Variants in PUDP observed in about 807,000 individuals in gnomAD.
PUDP encodes pseudouridine 5'-phosphatase.
A neutral mutation model predicts 9.4 loss-of-function variants in PUDP; 8 were observed. That is an observed-to-expected ratio of 0.85 (90% CI 0.50 to 1.53). PUDP has a LOEUF of 1.53. PUDP is among the 40% of genes most tolerant of loss of function. PUDP has a pLI of 0.00. For missense variants in PUDP, 188 were observed against 189.7 expected (o/e 0.99, Z 0.05); for synonymous variants, 99 against 80.7 (o/e 1.23, Z -1.22).
At chrX:7,022,794 T>G (rs142255778) in intron 1 of PUDP, among the ~76,000 whole-genome samples, 5 of 111,801 alleles carry the variant, frequency 4.5e-5, no homozygotes, top group Admixed American at 9.5e-5. Context: ...TAGACTGGCT[T>G]AACTCTCGTA....
chrX:6,772,795 C>T (rs770351363), intron 3 of PUDP, among the ~76,000 whole-genome samples: 1 of 87,231 alleles, frequency 1.1e-5, no homozygotes, highest in East Asian at 3.3e-4. Flanking sequence ...AACAAACAAA[C>T]AACAACAACA....
At chrX:7,070,876 C>A (rs2146858182) in intron 3 of PUDP, among the ~76,000 whole-genome samples, 1 of 111,866 alleles carries the variant, frequency 8.9e-6, no homozygotes, top group East Asian at 2.8e-4. Context: ...TCACGCCTGG[C>A]CCAAATATTA....
At chrX:6,948,361 T>A (rs1928500182) in intron 3 of PUDP, among the ~76,000 whole-genome samples, 1 of 112,049 alleles carries the variant, frequency 8.9e-6, no homozygotes, top group Non-Finnish European at 1.9e-5. Flanking sequence ...ATTGAGACAC[T>A]GCCCTTCCAG....
chrX:6,957,876 C>T (rs1928651286), intron 3 of PUDP, among the ~76,000 whole-genome samples: 1 of 111,858 alleles, frequency 8.9e-6, no homozygotes, highest in East Asian at 2.8e-4. Flanking sequence ...AGAGGCTGGG[C>T]GTGGTGGCTC....
At chrX:6,741,452 C>CAT (rs1021835648) in intron 3 of PUDP, among the ~76,000 whole-genome samples, 1 of 111,294 alleles carries the variant, frequency 9.0e-6, no homozygotes, top group African/African-American at 3.3e-5. Flanking sequence ...TGCATATATA[C>CAT]ATATATACAC....
chrX:6,753,916 C>A (rs1925138717), intron 3 of PUDP, among the ~76,000 whole-genome samples: 1 of 111,557 alleles, frequency 9.0e-6, no homozygotes, highest in Admixed American at 9.5e-5. Context: ...TTTTTTCCCA[C>A]TCTGTGGGTT....
Position 7,059,607 on chromosome X carries a change from G to A in PUDP, c.511-9135C>T, listed in dbSNP as rs1424604259. Among the ~76,000 whole-genome samples the A allele has an allele frequency of 2.7e-5, 3 of 112,013 alleles. 1 individual carries two copies. The Middle Eastern group carries it at 0.014, about 511-fold the overall frequency. On this transcript the variant is annotated intron_variant, in intron 3 of 3. Transcript: ENST00000381077. The stretch of plus-strand genomic sequence containing the variant: ...AGACTCGGGAAGATTAGCCATGTAC[G>A]GGATTAAAATGCTCTAACCTGTAGA...
downstream of PUDP, among the ~76,000 whole-genome samples, chrX:7,046,463 C>G (rs1275011785): frequency 8.9e-6 from 1 of 112,369 alleles, no homozygotes; most frequent in Non-Finnish European, 1.9e-5. Flanking sequence ...TTTAAATACT[C>G]TAGCCTGAGG....
At chrX:7,041,641 T>G (rs1385004253) in intron 1 of PUDP, among the ~76,000 whole-genome samples, 1 of 112,015 alleles carries the variant, frequency 8.9e-6, no homozygotes, top group Non-Finnish European at 1.9e-5. Flanking sequence ...CAAATACTTT[T>G]GCATGACTCC....
intron 3 of PUDP, among the ~76,000 whole-genome samples, chrX:6,973,520 G>T (rs1205183281): frequency 8.9e-6 from 1 of 112,104 alleles, no homozygotes; most frequent in East Asian, 2.8e-4. Flanking sequence ...GTGCAGTTTT[G>T]AGTGAGTTTC....
At chrX:6,880,124 A>G (rs1409127253) in intron 3 of PUDP, among the ~76,000 whole-genome samples, 1 of 109,680 alleles carries the variant, frequency 9.1e-6, no homozygotes, top group African/African-American at 3.3e-5. Flanking sequence ...TTTAATTTCA[A>G]TAGATTTTTG....
chrX:7,130,155 G>A (rs1932582286), intron 1 of PUDP, among the ~76,000 whole-genome samples: 1 of 111,340 alleles, frequency 9.0e-6, no homozygotes, highest in African/African-American at 3.3e-5. Context: ...CAACCCAGCT[G>A]GGATGAGAAA....
intron 3 of PUDP, among the ~76,000 whole-genome samples, chrX:6,807,789 G>A (rs932724576): frequency 2.7e-5 from 3 of 112,222 alleles, no homozygotes; most frequent in Non-Finnish European, 3.8e-5. Context: ...TCATCTCTAT[G>A]TATGAGGACA....
intron 3 of PUDP, among the ~76,000 whole-genome samples, chrX:6,961,050 T>C (rs1419656537): frequency 1.8e-5 from 2 of 111,974 alleles, no homozygotes; most frequent in Non-Finnish European, 3.8e-5. Flanking sequence ...TTTTTTCTAA[T>C]AACTATTTCC....
intron 3 of PUDP, among the ~76,000 whole-genome samples, chrX:6,961,266 G>T (rs972034985): frequency 9.0e-6 from 1 of 110,551 alleles, no homozygotes; most frequent in African/African-American, 3.3e-5. Flanking sequence ...CATGCCTGTA[G>T]TCCCAGCTGC....
chrX:6,746,046 G>A (rs1474480150), intron 3 of PUDP, among the ~76,000 whole-genome samples: 2 of 112,099 alleles, frequency 1.8e-5, no homozygotes. Flanking sequence ...CTGTGGCTTA[G>A]GAATTGAAAC....
intron 3 of PUDP, among the ~76,000 whole-genome samples, chrX:6,945,563 G>T (rs753898721): frequency 9.0e-5 from 10 of 111,252 alleles, no homozygotes; most frequent in Admixed American, 8.6e-4. Flanking sequence ...TATACACAAA[G>T]AAATCAAAGA....
chrX:7,142,641 ATT>A (rs57612819), intron 1 of PUDP, among the ~76,000 whole-genome samples: 13 of 80,953 alleles, frequency 1.6e-4, no homozygotes, highest in African/African-American at 4.9e-4. Flanking sequence ...GAGGACTCCA[ATT>A]TTTTTTTTTT....
intron 1 of PUDP, among the ~76,000 whole-genome samples, chrX:6,994,967 G>A (rs1929231326): frequency 9.1e-6 from 1 of 110,308 alleles, no homozygotes; most frequent in Non-Finnish European, 1.9e-5. Flanking sequence ...AAGTACTATA[G>A]GAAAAAAGTC....
Sources: allele counts gnomAD v4.1 joint callset (sites outside exome capture counted in the v4.1 genomes callset), GRCh38; gene constraint gnomAD v4.1.1; transcripts MANE v1.5; gene names NCBI Gene and HGNC (gene_info 2026-07-23, HGNC 2026-07-21).